The following IL1RAPL1 variants were observed in gnomAD, a reference collection of about 807,000 sequenced individuals.
IL1RAPL1 encodes the protein interleukin-1 receptor accessory protein-like 1.
IL1RAPL1 carries 3 observed loss-of-function variants against 48.4 expected under a neutral mutation model. That is an observed-to-expected ratio of 0.06 (90% CI 0.03 to 0.16). The LOEUF is 0.16. Among genes scored for constraint, IL1RAPL1 ranks in the 10% least tolerant of loss-of-function variants. The pLI is 1.00. For synonymous variants in IL1RAPL1, 185 were observed against 187.7 expected (o/e 0.99, Z 0.12); for missense variants, 349 against 530.6 (o/e 0.66, Z 3.36).
chrX:29,080,985 T>TC (rs1927806491), intron 2 of IL1RAPL1, among the ~76,000 whole-genome samples: 1 of 42,348 alleles, frequency 2.4e-5, no homozygotes. Context: ...TCTTTCTTTC[T>TC]TTCTTTCTTT....
At position 29,169,868 on chromosome X, in the gene IL1RAPL1, A is replaced by T. The variant is rs182302895; in HGVS notation, c.83-113070A>T. On this transcript the variant is annotated intron_variant, in intron 2 of 10. Coordinates refer to ENST00000378993, the MANE Select transcript of IL1RAPL1 (RefSeq NM_014271.4). ...TCTATATGTGGTTCATGGAAAAATC[A>T]AATGTTACTTTGAAACTTTGTCCCT... 4.8e-3 allele frequency among the ~76,000 whole-genome samples: 538 copies of T among 111,271 alleles called. 4 individuals are homozygous for T. Among genetic ancestry groups the T allele is most frequent in the Admixed American group, 0.038 (394 of 10,327 alleles).
rs1465138946 is a variant in IL1RAPL1, at chrX:28,815,857, A to G, written c.82+26432A>G. On this transcript the variant is annotated intron_variant, in intron 2 of 10. Transcript: ENST00000378993. ...TGTTTATGTATATATATATATATAT[A>G]TATATATATATATATATATATATAT... 3.2e-3 allele frequency among the ~76,000 whole-genome samples: 218 copies of G among 68,165 alleles called. 4 individuals carry two copies. Among genetic ancestry groups the G allele is most frequent in the African/African-American group, 9.4e-3 (196 of 20,920 alleles). 59.2% of individuals were successfully genotyped at this position (68,165 alleles called of 115,157 possible).
chrX:29,336,532 G>A (rs1443614149), intron 3 of IL1RAPL1, among the ~76,000 whole-genome samples: 1 of 109,381 alleles, frequency 9.1e-6, no homozygotes, highest in Non-Finnish European at 1.9e-5. Flanking sequence ...GATTCCAAGC[G>A]TTGTGGCCAA....
At chrX:29,159,958 A>T (rs1167347345) in intron 2 of IL1RAPL1, among the ~76,000 whole-genome samples, 4 of 111,305 alleles carry the variant, frequency 3.6e-5, no homozygotes, top group African/African-American at 1.3e-4. Context: ...TGATCTGCCT[A>T]CCTCAGCCTC....
chrX:29,136,418 C>T (rs1190463572), intron 2 of IL1RAPL1, among the ~76,000 whole-genome samples: 1 of 111,955 alleles, frequency 8.9e-6, no homozygotes, highest in Non-Finnish European at 1.9e-5. Flanking sequence ...TGAGCTAACA[C>T]TCCCGGCTGC....
intron 2 of IL1RAPL1, among the ~76,000 whole-genome samples, chrX:28,846,035 T>G (rs1921500635): frequency 8.9e-6 from 1 of 112,148 alleles, no homozygotes; most frequent in African/African-American, 3.2e-5. Context: ...TATAGTATCA[T>G]ATGTATTTTC....
intron 2 of IL1RAPL1, among the ~76,000 whole-genome samples, chrX:28,822,807 A>G (rs1041829643): frequency 8.9e-6 from 1 of 112,170 alleles, no homozygotes; most frequent in Non-Finnish European, 1.9e-5. Context: ...ACCCAAGGCC[A>G]TAGGTCATAA....
intron 1 of IL1RAPL1, among the ~76,000 whole-genome samples, chrX:28,613,257 G>A (rs1343224267): frequency 8.9e-6 from 1 of 112,275 alleles, no homozygotes; most frequent in African/African-American, 3.2e-5. Context: ...AATAGTCCTG[G>A]TCCTCTTGAC....
At chrX:29,542,400 T>C (rs1200430197) in intron 5 of IL1RAPL1, among the ~76,000 whole-genome samples, 1 of 111,915 alleles carries the variant, frequency 8.9e-6, no homozygotes, top group East Asian at 2.8e-4. Flanking sequence ...ACTTTTTCAC[T>C]TTCAATAGGC....
intron 6 of IL1RAPL1, among the ~76,000 whole-genome samples, chrX:29,766,360 T>A (rs138709831): frequency 2.7e-5 from 2 of 72,797 alleles, no homozygotes; most frequent in East Asian, 4.5e-4. Flanking sequence ...TATATATATA[T>A]ATAGATAGAT....
intron 2 of IL1RAPL1, among the ~76,000 whole-genome samples, chrX:29,168,372 A>T (rs1211498849): frequency 9.4e-6 from 1 of 106,239 alleles, no homozygotes; most frequent in Non-Finnish European, 1.9e-5. Flanking sequence ...ATGTTTGCTA[A>T]CTACTATTCT....
intron 5 of IL1RAPL1, among the ~76,000 whole-genome samples, chrX:29,639,944 G>A (rs1293532486): frequency 9.0e-6 from 1 of 111,390 alleles, no homozygotes; most frequent in Non-Finnish European, 1.9e-5. Flanking sequence ...GAAAGGTTTT[G>A]GAAATTATGC....
intron 2 of IL1RAPL1, among the ~76,000 whole-genome samples, chrX:29,229,215 A>G (rs192592182): frequency 9.0e-6 from 1 of 111,426 alleles, no homozygotes; most frequent in Admixed American, 9.6e-5. Context: ...CATTGTTTGT[A>G]TTTTTGTTTT....
At chrX:28,652,368 T>C (rs1360199581) in intron 1 of IL1RAPL1, among the ~76,000 whole-genome samples, 1 of 111,951 alleles carries the variant, frequency 8.9e-6, no homozygotes, top group Non-Finnish European at 1.9e-5. Flanking sequence ...GCATCTTTAT[T>C]ACAAAAGATG....
At chrX:29,110,128 A>G (rs1048068298) in intron 2 of IL1RAPL1, among the ~76,000 whole-genome samples, 8 of 112,037 alleles carry the variant, frequency 7.1e-5, no homozygotes, top group African/African-American at 2.3e-4. Context: ...CAACAACAAC[A>G]AAAAGGTACT....
intron 2 of IL1RAPL1, among the ~76,000 whole-genome samples, chrX:29,213,370 G>A (rs755359092): frequency 8.9e-6 from 1 of 112,532 alleles, no homozygotes; most frequent in African/African-American, 3.2e-5. Context: ...ATTACTGCTA[G>A]AGTTTCTCAA....
chrX:29,251,687 C>T (rs1931621861), intron 2 of IL1RAPL1, among the ~76,000 whole-genome samples: 1 of 110,640 alleles, frequency 9.0e-6, no homozygotes, highest in Non-Finnish European at 1.9e-5. Flanking sequence ...TTGCAAAAAC[C>T]TGAAGTAAAA....
chrX:29,450,839 A>G (rs553747113), intron 5 of IL1RAPL1, among the ~76,000 whole-genome samples: 1 of 111,908 alleles, frequency 8.9e-6, no homozygotes, highest in South Asian at 3.7e-4. Flanking sequence ...AAAAATTCTC[A>G]TAAAATAGAT....
chrX:29,006,645 ATATGTG>A (rs776096290), intron 2 of IL1RAPL1, among the ~76,000 whole-genome samples: 9 of 80,066 alleles, frequency 1.1e-4, no homozygotes, highest in South Asian at 8.7e-4. Flanking sequence ...GTGTTTATAT[ATATGTG>A]TGTGTGTGTG....
Sources: allele counts gnomAD v4.1 joint callset (sites outside exome capture counted in the v4.1 genomes callset), GRCh38; gene constraint gnomAD v4.1.1; transcripts MANE v1.5; gene names NCBI Gene and HGNC (gene_info 2026-07-23, HGNC 2026-07-21).